Variants in ACYP2 observed in about 807,000 individuals in gnomAD.
ACYP2 encodes acylphosphatase-2.
ACYP2 carries 12 observed loss-of-function variants against 11.2 expected under a neutral mutation model. The observed-to-expected ratio is 1.08, with a 90% CI of 0.69 to 1.74. The LOEUF (loss-of-function observed/expected upper bound fraction) is 1.74. Among genes scored for constraint, ACYP2 ranks in the 40% most tolerant of loss-of-function variants. ACYP2 has a pLI of 0.00. For synonymous variants in ACYP2, 43 were observed against 32.2 expected (o/e 1.33, Z -1.13); for missense variants, 134 against 101.9 (o/e 1.31, Z -1.35).
chr2:54,255,035 G>C, intron 6 of ACYP2: 1 of 1,614,154 alleles, frequency 6.2e-7, no homozygotes, highest in Non-Finnish European at 8.5e-7. Context: ...TTTGACCAGA[G>C]GTCCTCTTTA....
intron 4 of ACYP2, among the ~76,000 whole-genome samples, chr2:54,089,473 G>A (rs1678108946): frequency 6.6e-6 from 1 of 152,032 alleles, no homozygotes; most frequent in Non-Finnish European, 1.5e-5. Context: ...TATGGCTGGT[G>A]CAGTGGCTCA....
intron 4 of ACYP2, among the ~76,000 whole-genome samples, chr2:54,076,671 A>G (rs908779141): frequency 6.6e-6 from 1 of 152,204 alleles, no homozygotes; most frequent in Non-Finnish European, 1.5e-5. Flanking sequence ...AGTGTTTTGG[A>G]GAAGGAATTT....
chr2:54,291,484 C>T (rs1689302163), intron 6 of ACYP2, among the ~76,000 whole-genome samples: 1 of 152,216 alleles, frequency 6.6e-6, no homozygotes, highest in Non-Finnish European at 1.5e-5. Flanking sequence ...GCTTGGTCGA[C>T]CTCTATTCCA....
intron 6 of ACYP2, among the ~76,000 whole-genome samples, chr2:54,153,265 A>G (rs943320216): frequency 1.8e-4 from 5 of 27,336 alleles, no homozygotes; most frequent in Non-Finnish European, 2.6e-4. Flanking sequence ...AACCTTTGGA[A>G]AAAAAAAAAT....
At chr2:54,142,301 T>C (rs1390429391) in intron 6 of ACYP2, 1 of 171,324 alleles carries the variant, frequency 5.8e-6, no homozygotes, top group African/African-American at 2.4e-5. Context: ...TGGACCAATA[T>C]GGATACATTA....
At chr2:54,188,368 C>G (rs952254057) in intron 6 of ACYP2, among the ~76,000 whole-genome samples, 1 of 152,140 alleles carries the variant, frequency 6.6e-6, no homozygotes, top group Non-Finnish European at 1.5e-5. Flanking sequence ...TTCCATATCT[C>G]AGTTCGTATA....
At chr2:54,177,519 A>G (rs979465965) in intron 6 of ACYP2, among the ~76,000 whole-genome samples, 1 of 150,492 alleles carries the variant, frequency 6.6e-6, no homozygotes, top group East Asian at 1.9e-4. Context: ...AGTCTTCTCA[A>G]TCACTCCGTT....
chr2:54,144,802 T>C (rs185059132), intron 6 of ACYP2, among the ~76,000 whole-genome samples: 129 of 152,248 alleles, frequency 8.5e-4, no homozygotes, highest in African/African-American at 2.8e-3. Context: ...TCTACTTAAT[T>C]GGTATATTTT....
At chr2:54,089,092 C>T (rs1459773513) in intron 4 of ACYP2, among the ~76,000 whole-genome samples, 1 of 152,146 alleles carries the variant, frequency 6.6e-6, no homozygotes, top group Non-Finnish European at 1.5e-5. Flanking sequence ...GAGCTGCTCT[C>T]GAAATGGAGT....
At chr2:54,002,335 A>G (rs1006752681) in intron 2 of ACYP2, among the ~76,000 whole-genome samples, 4 of 148,138 alleles carry the variant, frequency 2.7e-5, no homozygotes, top group African/African-American at 5.0e-5. Flanking sequence ...TCATTACTTC[A>G]TAGCTCATTT....
At chr2:53,996,906 T>G (rs1469342118) in intron 2 of ACYP2, among the ~76,000 whole-genome samples, 1 of 152,166 alleles carries the variant, frequency 6.6e-6, no homozygotes, top group Non-Finnish European at 1.5e-5. Flanking sequence ...TTGTCAGTCT[T>G]TTGCTCAAAA....
intron 6 of ACYP2, among the ~76,000 whole-genome samples, chr2:54,184,781 A>G (rs970445600): frequency 1.3e-5 from 2 of 152,138 alleles, no homozygotes; most frequent in Admixed American, 6.5e-5. Flanking sequence ...GCTATGTTTT[A>G]GAAGAAAAGA....
chr2:54,283,851 A>C (rs1214762075), intron 6 of ACYP2, among the ~76,000 whole-genome samples: 1 of 152,258 alleles, frequency 6.6e-6, no homozygotes, highest in African/African-American at 2.4e-5. Context: ...GCACTGGCTC[A>C]CGCCTGTAAT....
At chr2:54,191,604 A>T (rs761919502) in intron 6 of ACYP2, among the ~76,000 whole-genome samples, 1 of 151,866 alleles carries the variant, frequency 6.6e-6, no homozygotes, top group Admixed American at 6.5e-5. Flanking sequence ...TACAGTCCTT[A>T]AGAGAATTTA....
intron 2 of ACYP2, among the ~76,000 whole-genome samples, chr2:53,988,255 C>T (rs987711897): frequency 6.6e-6 from 1 of 151,932 alleles, no homozygotes; most frequent in Admixed American, 6.6e-5. Context: ...TCCTAGATTC[C>T]AAAGTTCTTT....
chr2:54,205,521 G>C lies in ACYP2; in HGVS notation c.404+66773G>C, dbSNP rs74535053. Among the ~76,000 whole-genome samples, 3 of 152,230 alleles carry C rather than the reference G, an allele frequency of 2.0e-5. No homozygotes were observed. In the East Asian group the frequency reaches 5.8e-4, roughly 29 times the overall value. ...ATCTACCCTTCACCTCTTTGAGATG[G>C]CTTGAGTTGATCTGTCTTCCCAGAT... On this transcript the variant is annotated intron_variant, in intron 6 of 6. Transcript: ENST00000607452.
At chr2:54,128,157 G>C (rs72800755) in intron 4 of ACYP2, among the ~76,000 whole-genome samples, 2,896 of 152,292 alleles carry the variant, frequency 0.019, 33 homozygotes, top group Admixed American at 0.029. Context: ...AAAAAATGGT[G>C]GGGATGGTTT....
intron 2 of ACYP2, among the ~76,000 whole-genome samples, chr2:54,023,723 T>A (rs1045229123): frequency 6.6e-6 from 1 of 152,160 alleles, no homozygotes; most frequent in Admixed American, 6.5e-5. Context: ...CCTGGAAACA[T>A]ACAATCCTGC....
intron 6 of ACYP2, 30 bp downstream of exon 3, chr2:54,138,778 G>T (rs1558562042): frequency 6.4e-7 from 1 of 1,570,638 alleles, no homozygotes; most frequent in Admixed American, 1.7e-5. Flanking sequence ...ACATGTACAT[G>T]AAATTTATGA....
Sources: allele counts gnomAD v4.1 joint callset (sites outside exome capture counted in the v4.1 genomes callset), GRCh38; gene constraint gnomAD v4.1.1; transcripts MANE v1.5; gene names NCBI Gene and HGNC (gene_info 2026-07-23, HGNC 2026-07-21).